The following SORCS3 variants were observed in gnomAD, a reference collection of about 807,000 sequenced individuals.
SORCS3 encodes the protein VPS10 domain-containing receptor SorCS3.
A neutral mutation model predicts 146.3 loss-of-function variants in SORCS3; 57 were observed. That is an observed-to-expected ratio of 0.39 (90% confidence interval 0.31 to 0.49). The LOEUF (loss-of-function observed/expected upper bound fraction) is 0.49. Ranked by LOEUF, SORCS3 falls within the 20% of genes least tolerant of loss-of-function variation. The probability of loss-of-function intolerance (pLI) is 0.92; values close to 1 mark genes in which losing one functional copy is unlikely to be tolerated. For missense variants in SORCS3, 1,341 were observed against 1,575.5 expected, an observed-to-expected ratio of 0.85 and a Z score of 2.52; for synonymous variants, 653 against 618.5, an observed-to-expected ratio of 1.06 and a Z score of -0.83.
chr10:105,009,081 CAT>C (rs1312403711), intron 4 of SORCS3, among the ~76,000 whole-genome samples: 1 of 152,216 alleles, frequency 6.6e-6, no homozygotes, highest in African/African-American at 2.4e-5. Flanking sequence ...ATATGTCAGT[CAT>C]GTGCTAAGTG....
chr10:104,817,785 AG>A (rs1489049313), intron 1 of SORCS3, among the ~76,000 whole-genome samples: 8 of 147,208 alleles, frequency 5.4e-5, no homozygotes, highest in Non-Finnish European at 7.4e-5. Context: ...GAAATCAGTC[AG>A]GGGGGATCAG....
At chr10:105,230,537 C>T (rs907488373) in intron 20 of SORCS3, among the ~76,000 whole-genome samples, 2 of 152,152 alleles carry the variant, frequency 1.3e-5, no homozygotes, top group African/African-American at 2.4e-5. Context: ...ATATCTTAGC[C>T]TTGACTGTAG....
intron 23 of SORCS3, among the ~76,000 whole-genome samples, chr10:105,255,115 G>A (rs185790626): frequency 4.9e-4 from 74 of 151,564 alleles, no homozygotes; most frequent in African/African-American, 1.7e-3. Flanking sequence ...GTGAACCCGG[G>A]GGGGCGGAGC....
At chr10:104,643,482 G>A (rs937280999) in intron 1 of SORCS3, among the ~76,000 whole-genome samples, 2 of 152,206 alleles carry the variant, frequency 1.3e-5, no homozygotes, top group Non-Finnish European at 2.9e-5. Flanking sequence ...CAGCGCGATG[G>A]CGGGCTTCAT....
intron 1 of SORCS3, among the ~76,000 whole-genome samples, chr10:104,827,923 G>A (rs1589514756): frequency 6.6e-6 from 1 of 152,150 alleles, no homozygotes; most frequent in Non-Finnish European, 1.5e-5. Flanking sequence ...ACCTCTGCTA[G>A]CTTCAAACTT....
At chr10:105,240,817 G>A (rs2056817501) in intron 20 of SORCS3, among the ~76,000 whole-genome samples, 2 of 151,842 alleles carry the variant, frequency 1.3e-5, no homozygotes, top group African/African-American at 2.4e-5. Flanking sequence ...CCCCTTCTCA[G>A]TCAATCTCCA....
intron 1 of SORCS3, among the ~76,000 whole-genome samples, chr10:104,749,550 A>G (rs1309548970): frequency 2.0e-5 from 3 of 152,168 alleles, no homozygotes; most frequent in Non-Finnish European, 4.4e-5. Flanking sequence ...CAATAACTGT[A>G]CAAATTCATT....
At chr10:104,982,753 C>A (rs2054938531) in intron 4 of SORCS3, among the ~76,000 whole-genome samples, 1 of 152,106 alleles carries the variant, frequency 6.6e-6, no homozygotes, top group Admixed American at 6.5e-5. Context: ...GTAGAGCAAC[C>A]ACCTAATGGG....
At chr10:104,784,578 T>C (rs2017410600) in intron 1 of SORCS3, among the ~76,000 whole-genome samples, 1 of 152,108 alleles carries the variant, frequency 6.6e-6, no homozygotes, top group Non-Finnish European at 1.5e-5. Flanking sequence ...AACATAACCA[T>C]GACAAATTCA....
At chr10:104,874,313 C>G (rs1470008511) in intron 2 of SORCS3, among the ~76,000 whole-genome samples, 1 of 152,160 alleles carries the variant, frequency 6.6e-6, no homozygotes. Flanking sequence ...CTGGGTTTCT[C>G]TTCTACCTCC....
In SORCS3 at chr10:104,684,778, T is replaced by A. The variant is rs568499511; in HGVS notation, c.627+42824T>A. Among the ~76,000 whole-genome samples the A allele has an allele frequency of 5.0e-3, 605 of 121,674 alleles. 6 individuals carry two copies. Among genetic ancestry groups the A allele is most frequent in the African/African-American group, 0.018 (571 of 32,392 alleles). The allele number at this position is 121,674 out of a possible 152,430, so 79.8% of individuals were successfully genotyped here. A position where few individuals can be genotyped will look rare whatever the true frequency, so the allele number is the denominator to read the frequency against. ...CAGGTATTGGTTGGAAAGTCCTCAG[T>A]GTTTTTTTTTTTTTTTTTTTTTTTT... On this transcript the variant is annotated intron_variant, in intron 1 of 26. Transcript: ENST00000369701.
At chr10:104,659,583 C>A (rs929390534) in intron 1 of SORCS3, among the ~76,000 whole-genome samples, 2 of 152,162 alleles carry the variant, frequency 1.3e-5, no homozygotes, top group Admixed American at 6.5e-5. Context: ...ATCGGAAGGA[C>A]CTGATCTTGA....
chr10:104,740,997 T>C (rs1398427226), intron 1 of SORCS3, among the ~76,000 whole-genome samples: 1 of 152,080 alleles, frequency 6.6e-6, no homozygotes, highest in Non-Finnish European at 1.5e-5. Context: ...GGTCTCCCTC[T>C]GTCACCCAGG....
intron 2 of SORCS3, among the ~76,000 whole-genome samples, chr10:104,881,952 C>T (rs958557133): frequency 2.0e-5 from 3 of 152,148 alleles, no homozygotes; most frequent in African/African-American, 7.2e-5. Flanking sequence ...TTTGCATCTT[C>T]AGCAGTTGGT....
At chr10:105,154,006 G>T (rs1404532254) in intron 9 of SORCS3, among the ~76,000 whole-genome samples, 1 of 137,094 alleles carries the variant, frequency 7.3e-6, no homozygotes, top group Non-Finnish European at 1.5e-5. Flanking sequence ...GGAGGCAGAG[G>T]TTGCAATGAG....
intron 5 of SORCS3, among the ~76,000 whole-genome samples, chr10:105,049,019 A>G (rs1394733164): frequency 6.6e-6 from 1 of 152,090 alleles, no homozygotes. Context: ...GATCATAAGT[A>G]ATGGTTTTAT....
intron 4 of SORCS3, among the ~76,000 whole-genome samples, chr10:104,991,503 C>CTT (rs1159374839): frequency 9.3e-5 from 13 of 139,178 alleles, no homozygotes; most frequent in Admixed American, 1.4e-4. Flanking sequence ...CCTCTTCTTC[C>CTT]TTTTTTTTTT....
At chr10:105,187,679 A>C (rs2056487704) in intron 14 of SORCS3, among the ~76,000 whole-genome samples, 2 of 152,230 alleles carry the variant, frequency 1.3e-5, no homozygotes, top group African/African-American at 4.8e-5. Context: ...CTGAACTCTT[A>C]TAGGAACACT....
intron 1 of SORCS3, among the ~76,000 whole-genome samples, chr10:104,646,503 T>C (rs1234436284): frequency 6.6e-6 from 1 of 152,212 alleles, no homozygotes; most frequent in African/African-American, 2.4e-5. Flanking sequence ...CTGTGGGCCC[T>C]GAATCATCTC....
Sources: gnomAD v4.1 joint callset for allele counts (sites outside exome capture counted in the v4.1 genomes callset) on GRCh38, gnomAD v4.1.1 for gene constraint, MANE v1.5 for transcripts, NCBI Gene and HGNC (gene_info 2026-07-23, HGNC 2026-07-21) for gene names.